ADGRB3: variants seen among roughly 807,000 people sequenced by gnomAD.
The protein encoded by ADGRB3 is adhesion G protein-coupled receptor B3.
A neutral mutation model predicts 193.4 loss-of-function variants in ADGRB3; 37 were observed. That is an observed-to-expected ratio of 0.19 (90% CI 0.15 to 0.25). The LOEUF is 0.25. Among genes scored for constraint, ADGRB3 ranks in the 10% least tolerant of loss-of-function variants. The pLI is 1.00. For missense variants in ADGRB3, 1,637 were observed against 1,852.9 expected, an observed-to-expected ratio of 0.88 and a Z score of 2.14; for synonymous variants, 690 against 644.2, an observed-to-expected ratio of 1.07 and a Z score of -1.08.
chr6:69,291,809 C>G (rs966575628), intron 20 of ADGRB3, among the ~76,000 whole-genome samples: 6 of 152,120 alleles, frequency 3.9e-5, no homozygotes, highest in Non-Finnish European at 8.8e-5. Flanking sequence ...AGAGCACATG[C>G]AGGAAGGACT....
intron 16 of ADGRB3, among the ~76,000 whole-genome samples, chr6:69,068,117 T>A (rs1451743013): frequency 6.6e-6 from 1 of 152,090 alleles, no homozygotes; most frequent in Non-Finnish European, 1.5e-5. Context: ...CAGGTCAGAT[T>A]TGGCTCATGG....
At chr6:68,961,843 TTTAA>T (rs1768242722) in intron 8 of ADGRB3, among the ~76,000 whole-genome samples, 1 of 152,236 alleles carries the variant, frequency 6.6e-6, no homozygotes, top group Admixed American at 6.5e-5. Context: ...ATTTATATTA[TTTAA>T]TTAAGCACAA....
At chr6:68,842,926 G>C (rs1164562706) in intron 3 of ADGRB3, among the ~76,000 whole-genome samples, 1 of 151,782 alleles carries the variant, frequency 6.6e-6, no homozygotes, top group Admixed American at 6.6e-5. Flanking sequence ...AAGCCTATAT[G>C]ATCATTTCAA....
At chr6:68,909,457 T>A (rs1766638804) in intron 3 of ADGRB3, among the ~76,000 whole-genome samples, 1 of 152,146 alleles carries the variant, frequency 6.6e-6, no homozygotes, top group South Asian at 2.1e-4. Context: ...CATCTCTACA[T>A]TGGTGAAGAA....
intron 8 of ADGRB3, among the ~76,000 whole-genome samples, chr6:68,974,202 A>T (rs771183141): frequency 6.6e-6 from 1 of 152,178 alleles, no homozygotes; most frequent in African/African-American, 2.4e-5. Context: ...AATATGTTCA[A>T]CTTGTAGGCA....
chr6:69,114,591 A>G (rs749964376), intron 17 of ADGRB3, among the ~76,000 whole-genome samples: 3 of 152,122 alleles, frequency 2.0e-5, no homozygotes, highest in Non-Finnish European at 2.9e-5. Context: ...GCCCATGCCT[A>G]TGTCCTGATT....
intron 11 of ADGRB3, among the ~76,000 whole-genome samples, chr6:69,000,624 A>G (rs1377199897): frequency 6.6e-6 from 1 of 152,230 alleles, no homozygotes; most frequent in Non-Finnish European, 1.5e-5. Context: ...ACATGTGGCA[A>G]TAAAAAGATC....
rs1768023747 is a variant in ADGRB3, at chr6:68,639,234, G to A, written c.559G>A (p.Glu187Lys). The A allele has an allele frequency of 3.7e-6, 6 of 1,614,038 alleles. No homozygotes were observed. The highest frequency in any genetic ancestry group is 4.2e-6 in the Non-Finnish European group (5 of 1,180,026). The change falls in exon 3 of 32, where the codon GAA becomes AAA. Residue 187 changes from glutamate to lysine, a missense_variant. Glu to Lys is a moderately conservative substitution (Grantham distance 56). Around this residue, in one of 7 missense-constraint regions of ADGRB3, gnomAD observed 365 missense variants for 409.8 expected, o/e 0.89. Coordinates refer to ENST00000370598, the MANE Select transcript of ADGRB3 (RefSeq NM_001704.3). ...CTTAAAATCAGAAAATGGGAGAACA[G>A]AATCATGTGGGATCATGTATACAAA... ...SCLKSENGRT[E>K]SCGIMYTKCT...
chr6:68,992,885 G>A (rs1769275310), intron 10 of ADGRB3, among the ~76,000 whole-genome samples: 1 of 149,332 alleles, frequency 6.7e-6, no homozygotes, highest in Non-Finnish European at 1.5e-5. Flanking sequence ...CTATTTCTCT[G>A]GCCTGTTAAT....
chr6:68,698,582 T>C (rs185824563), intron 3 of ADGRB3, among the ~76,000 whole-genome samples: 24 of 152,186 alleles, frequency 1.6e-4, no homozygotes, highest in African/African-American at 5.1e-4. Flanking sequence ...ATGTCTGCTG[T>C]ATGACAAGCA....
chr6:68,726,029 A>T (rs1765667666), intron 3 of ADGRB3, among the ~76,000 whole-genome samples: 1 of 151,596 alleles, frequency 6.6e-6, no homozygotes, highest in South Asian at 2.1e-4. Flanking sequence ...GGAAGCTAAT[A>T]ATATTATTGG....
chr6:69,298,649 G>A (rs1038323684), intron 20 of ADGRB3, among the ~76,000 whole-genome samples: 6 of 151,908 alleles, frequency 3.9e-5, no homozygotes, highest in African/African-American at 1.4e-4. Flanking sequence ...GTTCTTTTGT[G>A]TCTGGCTTAT....
Position 68,795,712 on chromosome 6 carries a change from C to T in ADGRB3, c.758-134847C>T, listed in dbSNP as rs117784696. Among the ~76,000 whole-genome samples the T allele has an allele frequency of 4.3e-3, 661 of 151,980 alleles. 4 individuals are homozygous for T. Among genetic ancestry groups the T allele is most frequent in the Non-Finnish European group, 5.4e-3 (365 of 67,934 alleles). ...GTTAAGCTAAGTAAGAAGTAAACAC[C>T]GAATGTTCATGAATGGGATTGAAGG... On this transcript the variant is annotated intron_variant, in intron 3 of 31. Coordinates refer to ENST00000370598, the MANE Select transcript of ADGRB3 (RefSeq NM_001704.3).
At chr6:68,957,801 G>C (rs1160863552) in intron 8 of ADGRB3, among the ~76,000 whole-genome samples, 1 of 152,136 alleles carries the variant, frequency 6.6e-6, no homozygotes, top group Non-Finnish European at 1.5e-5. Context: ...TTTTTCCAAA[G>C]TTAGTATTAT....
chr6:69,223,599 T>C (rs779465), intron 17 of ADGRB3, among the ~76,000 whole-genome samples: 74,979 of 149,736 alleles, frequency 0.5, 20,554 homozygotes, highest in African/African-American at 0.72. Flanking sequence ...TAAATAGCTG[T>C]CTGTGTTAGT....
chr6:69,163,855 T>C (rs549455287), intron 17 of ADGRB3, among the ~76,000 whole-genome samples: 6 of 152,292 alleles, frequency 3.9e-5, no homozygotes, highest in African/African-American at 1.4e-4. Flanking sequence ...AATTTGCATG[T>C]TGCATTCAGA....
chr6:68,955,522 G>A (rs1212293221), intron 6 of ADGRB3, among the ~76,000 whole-genome samples: 1 of 152,228 alleles, frequency 6.6e-6, no homozygotes, highest in Non-Finnish European at 1.5e-5. Flanking sequence ...AGGCATAGTG[G>A]CTCACGCCTG....
chr6:68,988,070 C>T (rs1397580068), intron 10 of ADGRB3, among the ~76,000 whole-genome samples: 1 of 152,086 alleles, frequency 6.6e-6, no homozygotes, highest in African/African-American at 2.4e-5. Context: ...AAATAAAATC[C>T]TCCTGTAGTT....
chr6:69,164,756 G>A (rs1775088316), intron 17 of ADGRB3, among the ~76,000 whole-genome samples: 1 of 152,052 alleles, frequency 6.6e-6, no homozygotes, highest in African/African-American at 2.4e-5. Flanking sequence ...CAGCGTCCGT[G>A]AACTCTGGGA....
Sources: allele counts gnomAD v4.1 joint callset (sites outside exome capture counted in the v4.1 genomes callset), GRCh38; gene constraint gnomAD v4.1.1; regional missense constraint gnomAD v4.1.1; transcripts MANE v1.5; gene names NCBI Gene and HGNC (gene_info 2026-07-23, HGNC 2026-07-21).